The following ZNF407 variants were observed in gnomAD, a reference collection of about 807,000 sequenced individuals.
ZNF407 encodes the protein zinc finger protein 407.
ZNF407 carries 17 observed loss-of-function variants against 131.2 expected under a neutral mutation model. The ratio of observed to expected loss-of-function variants is 0.13; its 90% CI spans 0.09 to 0.19. ZNF407 has a LOEUF of 0.19. Among genes scored for constraint, ZNF407 ranks in the 10% least tolerant of loss-of-function variants. ZNF407 has a pLI of 1.00. For missense variants in ZNF407, 2,681 were observed against 2,830.6 expected, an observed-to-expected ratio of 0.95 and a Z score of 1.20; for synonymous variants, 1,156 against 1,062.0, an observed-to-expected ratio of 1.09 and a Z score of -1.72.
chr18:74,756,680 A>G (rs1968971066), intron 3 of ZNF407, among the ~76,000 whole-genome samples: 1 of 152,084 alleles, frequency 6.6e-6, no homozygotes, highest in African/African-American at 2.4e-5. Flanking sequence ...ATAGTTTGCT[A>G]TTTTAAATTC....
At chr18:74,706,345 T>G (rs150589377) in intron 3 of ZNF407, among the ~76,000 whole-genome samples, 5 of 152,360 alleles carry the variant, frequency 3.3e-5, no homozygotes, top group African/African-American at 1.2e-4. Flanking sequence ...GTTGTATTCA[T>G]TGTTCACCTA....
chr18:74,938,848 T>A (rs180978246), intron 8 of ZNF407, among the ~76,000 whole-genome samples: 22 of 152,260 alleles, frequency 1.4e-4, no homozygotes, highest in Admixed American at 3.9e-4. Flanking sequence ...CTCTAGAAAA[T>A]GATCTGTTCA....
At chr18:74,857,621 C>T (rs1234639603) in intron 4 of ZNF407, among the ~76,000 whole-genome samples, 1 of 151,942 alleles carries the variant, frequency 6.6e-6, no homozygotes, top group Non-Finnish European at 1.5e-5. Context: ...TATAATACTT[C>T]AGAAATTCTC....
At chr18:74,928,002 A>G (rs940415118) in intron 8 of ZNF407, among the ~76,000 whole-genome samples, 1 of 152,150 alleles carries the variant, frequency 6.6e-6, no homozygotes, top group Non-Finnish European at 1.5e-5. Context: ...AAAAAAGCCA[A>G]ACTCTGTTGG....
At chr18:74,759,821 C>T (rs112987827) in intron 3 of ZNF407, among the ~76,000 whole-genome samples, 8 of 140,610 alleles carry the variant, frequency 5.7e-5, no homozygotes, top group African/African-American at 1.1e-4. Flanking sequence ...TTTTTTTGAA[C>T]ATTTTTATGA....
At chr18:75,050,989 A>T (rs1384617345) in intron 8 of ZNF407, among the ~76,000 whole-genome samples, 1 of 152,082 alleles carries the variant, frequency 6.6e-6, no homozygotes, top group African/African-American at 2.4e-5. Context: ...TTTTTAAAGC[A>T]ATACTTATTA....
chr18:74,628,007 T>C (rs1464038726), intron 1 of ZNF407, among the ~76,000 whole-genome samples: 2 of 152,078 alleles, frequency 1.3e-5, no homozygotes, highest in Admixed American at 1.3e-4. Flanking sequence ...CCTGTGTAGC[T>C]GGGACTACAG....
intron 3 of ZNF407, among the ~76,000 whole-genome samples, chr18:74,749,268 CCCTCT>C (rs1206474506): frequency 3.9e-5 from 6 of 152,116 alleles, no homozygotes; most frequent in Non-Finnish European, 7.4e-5. Flanking sequence ...TGCTGTCCTC[CCCTCT>C]CCTCTCATCG....
chr18:74,918,695 T>C (rs769393654), intron 7 of ZNF407, among the ~76,000 whole-genome samples: 13 of 152,158 alleles, frequency 8.5e-5, no homozygotes, highest in Admixed American at 3.9e-4. Flanking sequence ...AAATATCTGT[T>C]GTTCTAGTCC....
At chr18:74,686,724 TA>T (rs1967104835) in intron 3 of ZNF407, among the ~76,000 whole-genome samples, 1 of 152,350 alleles carries the variant, frequency 6.6e-6, no homozygotes, top group African/African-American at 2.4e-5. Context: ...ATTATTTTGT[TA>T]TAGATGCTTA....
intron 3 of ZNF407, among the ~76,000 whole-genome samples, chr18:74,719,358 A>G (rs1967971384): frequency 6.6e-6 from 1 of 150,942 alleles, no homozygotes; most frequent in South Asian, 2.1e-4. Flanking sequence ...ACCCGCTAGT[A>G]TCCTCTGTTC....
At chr18:74,739,178 C>T (rs913531998) in intron 3 of ZNF407, among the ~76,000 whole-genome samples, 2 of 151,152 alleles carry the variant, frequency 1.3e-5, no homozygotes, top group East Asian at 3.9e-4. Flanking sequence ...AGAATTATTA[C>T]AAAATTTATA....
intron 3 of ZNF407, among the ~76,000 whole-genome samples, chr18:74,740,978 C>G (rs185006110): frequency 3.6e-4 from 55 of 152,230 alleles, no homozygotes; most frequent in African/African-American, 1.2e-3. Flanking sequence ...GGAAAACTTG[C>G]CTGGGGAAAC....
chr18:74,606,035 A>G (rs1982790128), intron 1 of ZNF407, among the ~76,000 whole-genome samples: 1 of 152,232 alleles, frequency 6.6e-6, no homozygotes, highest in Admixed American at 6.5e-5. Flanking sequence ...CCATGGTTTC[A>G]CGCCAAAGCG....
At chr18:75,021,447 T>C (rs1393548804) in intron 8 of ZNF407, among the ~76,000 whole-genome samples, 1 of 151,968 alleles carries the variant, frequency 6.6e-6, no homozygotes, top group African/African-American at 2.4e-5. Context: ...TTTTTTATTT[T>C]TTTTTAGAGA....
chr18:74,628,744 A>C (rs895476794), intron 1 of ZNF407, among the ~76,000 whole-genome samples: 1 of 151,554 alleles, frequency 6.6e-6, no homozygotes, highest in African/African-American at 2.4e-5. Context: ...ACTAATTTTT[A>C]TTATTTTTTT....
chr18:74,699,040 C>A (rs1043483373), intron 3 of ZNF407, among the ~76,000 whole-genome samples: 2 of 152,158 alleles, frequency 1.3e-5, no homozygotes, highest in East Asian at 3.9e-4. Flanking sequence ...ACCTAGCATT[C>A]CCTTCTCTCT....
intron 5 of ZNF407, among the ~76,000 whole-genome samples, chr18:74,880,647 A>G (rs1231552316): frequency 2.6e-5 from 4 of 152,230 alleles, no homozygotes; most frequent in Non-Finnish European, 4.4e-5. Context: ...AGAACCATAT[A>G]TACTGTATAT....
Position 74,632,433 on chromosome 18 carries a change from G to C in ZNF407, c.1414G>C (p.Asp472His), listed in dbSNP as rs199633454. 1 of 1,614,006 alleles carries C rather than the reference G, an allele frequency of 6.2e-7. No homozygotes were observed. The highest frequency in any genetic ancestry group is 1.7e-5 in the Admixed American group (1 of 60,032). ...KHLRTQMKTH[D>H]AESVLKHLEA... Reference sequence around the variant, plus strand: ...CTTGAGAACACAGATGAAAACACACGATGCAGAATCAGTGCTGAAACACCT... The same window carrying C: ...CTTGAGAACACAGATGAAAACACACCATGCAGAATCAGTGCTGAAACACCT... Residue 472 changes from aspartate to histidine, a missense_variant, in exon 2 of 9, where the codon GAT becomes CAT. Physicochemically the swap from Asp to His is moderately conservative, Grantham distance 81 (BLOSUM62 -1). This residue lies in a region of ZNF407 where 1,789 missense variants were observed against 1,748.7 expected (regional missense o/e 1.02). Coordinates refer to ENST00000299687, the MANE Select transcript of ZNF407 (RefSeq NM_017757.3).
Sources: allele counts gnomAD v4.1 joint callset (sites outside exome capture counted in the v4.1 genomes callset), GRCh38; gene constraint gnomAD v4.1.1; regional missense constraint gnomAD v4.1.1; transcripts MANE v1.5; gene names NCBI Gene and HGNC (gene_info 2026-07-23, HGNC 2026-07-21).